The following ANKRD6 variants were observed in gnomAD, a reference collection of about 807,000 sequenced individuals.
The protein encoded by ANKRD6 is ankyrin repeat domain 6, also known as ankyrin repeat domain-containing protein 6.
ANKRD6 carries 56 observed loss-of-function variants against 82.3 expected under a neutral mutation model. The ratio of observed to expected loss-of-function variants is 0.68; its 90% CI spans 0.55 to 0.85. ANKRD6 has a LOEUF of 0.85. Ranked by LOEUF, ANKRD6 falls within the 40% of genes least tolerant of loss-of-function variation. The pLI is 0.00. For missense variants in ANKRD6, 852 were observed against 907.6 expected, an observed-to-expected ratio of 0.94 and a Z score of 0.79; for synonymous variants, 347 against 352.1, an observed-to-expected ratio of 0.99 and a Z score of 0.16.
At chr6:89,450,694 A>G (rs1174294936) in intron 1 of ANKRD6, among the ~76,000 whole-genome samples, 1 of 148,006 alleles carries the variant, frequency 6.8e-6, no homozygotes, top group Non-Finnish European at 1.5e-5. Context: ...TTTTTTTTGT[A>G]GAGATGGGGG....
rs367917876 is a variant in ANKRD6, at chr6:89,608,737, T to A, written c.417+2632T>A. Among the ~76,000 whole-genome samples the A allele has an allele frequency of 1.8e-4, 27 of 152,268 alleles. 1 individual carries two copies. The South Asian group carries it at 4.2e-3, about 23-fold the overall frequency. ...TCCGTCTCCCCTCTCCAGTCCCTCA[T>A]TACATCTTAGGACATCTTCAAGTCT... is the stretch of plus-strand genomic sequence containing the variant. On this transcript the variant is annotated intron_variant, in intron 5 of 15. Coordinates refer to ENST00000339746, the MANE Select transcript of ANKRD6 (RefSeq NM_001242809.2).
intron 1 of ANKRD6, among the ~76,000 whole-genome samples, chr6:89,532,977 G>A (rs924422084): frequency 2.0e-5 from 3 of 151,372 alleles, no homozygotes; most frequent in East Asian, 1.9e-4. Context: ...AGGTTCAAGC[G>A]ATTCTCCTGC....
intron 1 of ANKRD6, among the ~76,000 whole-genome samples, chr6:89,531,386 A>G (rs886163230): frequency 6.6e-6 from 1 of 152,232 alleles, no homozygotes; most frequent in Non-Finnish European, 1.5e-5. Context: ...AGAATGTTTT[A>G]TCTCCCATTT....
intron 13 of ANKRD6, among the ~76,000 whole-genome samples, chr6:89,627,178 TC>T (rs1442892992): frequency 6.6e-6 from 1 of 151,122 alleles, no homozygotes; most frequent in African/African-American, 2.4e-5. Context: ...TGCCTCAGCC[TC>T]CCAAGTAGCT....
intron 1 of ANKRD6, among the ~76,000 whole-genome samples, chr6:89,439,614 T>A (rs1771106302): frequency 6.6e-6 from 1 of 152,224 alleles, no homozygotes; most frequent in Non-Finnish European, 1.5e-5. Context: ...CAGCGTCATT[T>A]ATCTGTTACT....
rs542135682 is a variant in ANKRD6, at chr6:89,625,349, A to G, written c.1371+658A>G. ...TATATGTCAATCTTTTTATATGTCA[A>G]TTTTTGCTACACTCCTTTCCCATTG... On this transcript the variant is annotated intron_variant, in intron 13 of 15. Coordinates refer to ENST00000339746, the MANE Select transcript of ANKRD6 (RefSeq NM_001242809.2). Among the ~76,000 whole-genome samples the G allele has an allele frequency of 5.1e-4, 78 of 151,994 alleles. 1 individual carries two copies. Among genetic ancestry groups the G allele is most frequent in the African/African-American group, 1.8e-3 (76 of 41,480 alleles).
At chr6:89,542,107 A>C (rs1784511965) in intron 1 of ANKRD6, among the ~76,000 whole-genome samples, 1 of 152,076 alleles carries the variant, frequency 6.6e-6, no homozygotes, top group Non-Finnish European at 1.5e-5. Context: ...TACAATTTTT[A>C]AAATAGTGAC....
chr6:89,539,345 C>T (rs1784204851), intron 1 of ANKRD6, among the ~76,000 whole-genome samples: 1 of 152,004 alleles, frequency 6.6e-6, no homozygotes, highest in Non-Finnish European at 1.5e-5. Flanking sequence ...TGTTATTAAA[C>T]ATTGAAACAG....
rs1045766667 is a variant in ANKRD6 at position 89,517,859 on chromosome 6, G to A, written c.-143-48975G>A. Among the ~76,000 whole-genome samples the A allele has an allele frequency of 3.3e-5, 5 of 152,216 alleles. No individual in the cohort carries two copies. The East Asian group carries it at 9.6e-4, about 29-fold the overall frequency. ...GGAGTAGCCACTGTCACATCAGCAGGTCATGGGATCTTACCAGTCATAGCC... is the reference window on the plus strand; with the variant it reads ...GGAGTAGCCACTGTCACATCAGCAGATCATGGGATCTTACCAGTCATAGCC... On this transcript the variant is annotated intron_variant, in intron 1 of 15. Coordinates refer to ENST00000339746, the MANE Select transcript of ANKRD6 (RefSeq NM_001242809.2).
chr6:89,569,661 A>G (rs1032000962), intron 2 of ANKRD6, among the ~76,000 whole-genome samples: 1 of 152,228 alleles, frequency 6.6e-6, no homozygotes, highest in Non-Finnish European at 1.5e-5. Flanking sequence ...ACGTTAAGAA[A>G]CTGCCAAGCT....
At chr6:89,471,440 G>A (rs1158724185) in intron 1 of ANKRD6, among the ~76,000 whole-genome samples, 1 of 151,560 alleles carries the variant, frequency 6.6e-6, no homozygotes, top group Non-Finnish European at 1.5e-5. Context: ...GGTCATTGAA[G>A]CCACGAGACT....
intron 9 of ANKRD6, chr6:89,619,767 T>C (rs1802537536): frequency 6.6e-6 from 1 of 152,256 alleles, no homozygotes; most frequent in South Asian, 2.1e-4. Context: ...TAGTATTTGC[T>C]TTGCCTGAAA....
chr6:89,618,082 T>C, intron 9 of ANKRD6, 51 bp downstream of exon 9: 3 of 1,591,024 alleles, frequency 1.9e-6, no homozygotes, highest in Non-Finnish European at 2.6e-6. Flanking sequence ...ACTACAAAGT[T>C]GTTGGGACTC....
At chr6:89,504,016 G>T (rs1215220128) in intron 1 of ANKRD6, among the ~76,000 whole-genome samples, 1 of 151,784 alleles carries the variant, frequency 6.6e-6, no homozygotes, top group African/African-American at 2.4e-5. Flanking sequence ...GCTTATTCTG[G>T]GTAAAATGAG....
chr6:89,628,508 G>A (rs1424416400), intron 14 of ANKRD6, among the ~76,000 whole-genome samples: 1 of 152,198 alleles, frequency 6.6e-6, no homozygotes, highest in African/African-American at 2.4e-5. Context: ...AGTGGCTCAC[G>A]CCTGTAATCC....
At chr6:89,502,876 G>A (rs961412326) in intron 1 of ANKRD6, among the ~76,000 whole-genome samples, 1 of 152,162 alleles carries the variant, frequency 6.6e-6, no homozygotes, top group Non-Finnish European at 1.5e-5. Context: ...CAAGGGGACT[G>A]GGGTGTGGAG....
intron 2 of ANKRD6, among the ~76,000 whole-genome samples, chr6:89,595,071 G>A (rs1245862252): frequency 6.6e-6 from 1 of 152,016 alleles, no homozygotes; most frequent in Non-Finnish European, 1.5e-5. Flanking sequence ...TTTTTAAAAA[G>A]AGGAAGAACC....
chr6:89,513,695 C>T (rs2127948155), intron 1 of ANKRD6, among the ~76,000 whole-genome samples: 2 of 152,200 alleles, frequency 1.3e-5, no homozygotes, highest in Non-Finnish European at 2.9e-5. Flanking sequence ...AATTACCAAA[C>T]AATAAACTAC....
chr6:89,601,944 C>T (rs1163626385), intron 3 of ANKRD6: 1 of 152,160 alleles, frequency 6.6e-6, no homozygotes, highest in Non-Finnish European at 1.5e-5. Context: ...TTCTTTGCCC[C>T]TCTGGTGCTC....
Sources: gnomAD v4.1 joint callset for allele counts (sites outside exome capture counted in the v4.1 genomes callset) on GRCh38, gnomAD v4.1.1 for gene constraint, MANE v1.5 for transcripts, NCBI Gene and HGNC (gene_info 2026-07-23, HGNC 2026-07-21) for gene names.